The following TPH2 variants were observed in gnomAD, a reference collection of about 807,000 sequenced individuals.
The protein encoded by TPH2 is tryptophan hydroxylase 2.
Under a neutral mutation model 59.1 loss-of-function variants are expected in TPH2, and 27 were observed. That is an observed-to-expected ratio of 0.46 (90% CI 0.34 to 0.63). The LOEUF is 0.63. TPH2 is among the 30% of genes least tolerant of loss of function. The probability of loss-of-function intolerance (pLI) is 0.01; values close to 1 mark genes in which losing one functional copy is unlikely to be tolerated. For synonymous variants in TPH2, 220 were observed against 210.5 expected, an observed-to-expected ratio of 1.05 and a Z score of -0.39; for missense variants, 523 against 588.3, an observed-to-expected ratio of 0.89 and a Z score of 1.15.
At chr12:72,004,781 C>G (rs955814278) in intron 8 of TPH2, among the ~76,000 whole-genome samples, 4 of 152,090 alleles carry the variant, frequency 2.6e-5, no homozygotes, top group African/African-American at 9.7e-5. Context: ...AATGTTATAT[C>G]AAACTATAGG....
chr12:71,999,246 A>T (rs1201126344), intron 8 of TPH2, among the ~76,000 whole-genome samples: 1 of 152,260 alleles, frequency 6.6e-6, no homozygotes, highest in East Asian at 1.9e-4. Context: ...TTGAGAATAA[A>T]GCTATCTCTG....
At chr12:72,012,284 A>G (rs564599967) in intron 8 of TPH2, among the ~76,000 whole-genome samples, 1 of 152,304 alleles carries the variant, frequency 6.6e-6, no homozygotes, top group South Asian at 2.1e-4. Context: ...GAAGACTGGC[A>G]GTTTCTGTGT....
At chr12:72,002,768 T>C (rs1872859394) in intron 8 of TPH2, among the ~76,000 whole-genome samples, 1 of 151,900 alleles carries the variant, frequency 6.6e-6, no homozygotes, top group African/African-American at 2.4e-5. Flanking sequence ...TTTTTTTTTT[T>C]TTGCAGGAAA....
intron 8 of TPH2, among the ~76,000 whole-genome samples, chr12:72,021,252 TCC>T (rs1421430747): frequency 6.6e-6 from 1 of 152,108 alleles, no homozygotes; most frequent in Non-Finnish European, 1.5e-5. Context: ...CAAAGATTCC[TCC>T]GTCTGTTTAG....
At chr12:71,994,807 C>T (rs1872656185) in intron 8 of TPH2, among the ~76,000 whole-genome samples, 1 of 152,136 alleles carries the variant, frequency 6.6e-6, no homozygotes, top group African/African-American at 2.4e-5. Flanking sequence ...AGATAGTAAA[C>T]ATATTAGGTT....
rs1460439817 is a variant in TPH2, at chr12:71,982,160, T to C, written c.941+3073T>C. On this transcript the variant is annotated intron_variant, in intron 7 of 10. Coordinates refer to ENST00000333850, the MANE Select transcript of TPH2 (RefSeq NM_173353.4). ...CTGGGGTTACAGGCGTGCAACACCA[T>C]ACCCAGCTAATTTTTTGTGTTTTTA... is the stretch of plus-strand genomic sequence containing the variant. 2.0e-5 allele frequency among the ~76,000 whole-genome samples: 3 copies of C among 151,718 alleles called. No individual in the cohort carries two copies. The East Asian group carries it at 5.9e-4, about 30-fold the overall frequency.
At chr12:72,011,205 T>C (rs1437320279) in intron 8 of TPH2, among the ~76,000 whole-genome samples, 3 of 152,218 alleles carry the variant, frequency 2.0e-5, no homozygotes. Context: ...ATTGCTTTGT[T>C]ATGGAGATGT....
Position 71,944,476 on chromosome 12 carries a change from A to C in TPH2, c.438A>C (p.Glu146Asp). The C allele has an allele frequency of 1.2e-6, 2 of 1,613,994 alleles. No homozygotes were observed. Among genetic ancestry groups the C allele is most frequent in the Admixed American group, 1.7e-5 (1 of 59,996 alleles). Reference protein sequence around the residue: ...NPPENIWTEEEELEDVPWFPR... With the variant: ...NPPENIWTEEDELEDVPWFPR... ...CAGAGAACATTTGGACAGAGGAAGA[A>C]GGCAAGGGTGGTCTTAGCTTGTCGG... The change falls in exon 3 of 11, where the codon GAA becomes GAC. Residue 146 changes from glutamate (E) to aspartate (D), a missense_variant and splice_region_variant. By Grantham distance (45) the Glu-to-Asp change is conservative. Transcript: ENST00000333850.
intron 8 of TPH2, among the ~76,000 whole-genome samples, chr12:72,021,274 T>C (rs1873406472): frequency 6.6e-6 from 1 of 152,140 alleles, no homozygotes; most frequent in South Asian, 2.1e-4. Context: ...GGTTGATTTC[T>C]TAAACCCAAC....
chr12:71,968,107 C>A (rs777258730), intron 5 of TPH2, among the ~76,000 whole-genome samples: 7 of 152,250 alleles, frequency 4.6e-5, no homozygotes, highest in Non-Finnish European at 5.9e-5. Flanking sequence ...GTGAGTAGGT[C>A]TCAGGCCACA....
intron 7 of TPH2, among the ~76,000 whole-genome samples, chr12:71,983,280 G>A (rs953526285): frequency 6.6e-6 from 1 of 152,164 alleles, no homozygotes; most frequent in African/African-American, 2.4e-5. Flanking sequence ...AGCAGTGCCT[G>A]AGGCAATGAA....
intron 7 of TPH2, among the ~76,000 whole-genome samples, chr12:71,992,477 G>A (rs1390135180): frequency 5.3e-5 from 8 of 150,068 alleles, no homozygotes; most frequent in East Asian, 2.0e-4. Context: ...GGTGGCATGC[G>A]CCTGTAGTCC....
chr12:72,003,194 A>T (rs758438132), intron 8 of TPH2, among the ~76,000 whole-genome samples: 1 of 152,092 alleles, frequency 6.6e-6, no homozygotes, highest in Non-Finnish European at 1.5e-5. Context: ...AAAAATGACC[A>T]CTTTAGTATC....
intron 8 of TPH2, among the ~76,000 whole-genome samples, chr12:72,020,189 A>G (rs1258263191): frequency 6.6e-6 from 1 of 152,182 alleles, no homozygotes; most frequent in African/African-American, 2.4e-5. Flanking sequence ...TAGTTAGTAG[A>G]GGCTAGAGAT....
Position 71,944,650 on chromosome 12 carries a change from T to C in TPH2, c.504T>C (p.Val168=). The C allele has an allele frequency of 1.9e-6, 3 of 1,613,964 alleles. No individual in the cohort carries two copies. The highest frequency in any genetic ancestry group is 1.7e-4 in the Middle Eastern group (1 of 6,060). Residue 168 remains valine, a synonymous_variant, in exon 4 of 11, where the codon GTT becomes GTC. Coordinates refer to ENST00000333850, the MANE Select transcript of TPH2 (RefSeq NM_173353.4). ...ISELDKCSHR[V]LMYGSELDAD... ...AGTTAGACAAATGCTCTCACAGAGT[T>C]CTCATGTATGGTTCTGAGCTTGATG...
At chr12:71,954,150 C>T (rs1020646214) in intron 5 of TPH2, among the ~76,000 whole-genome samples, 22 of 152,194 alleles carry the variant, frequency 1.4e-4, no homozygotes, top group African/African-American at 3.9e-4. Flanking sequence ...GTCTGTATTA[C>T]CATGAACCCG....
chr12:72,020,421 G>A (rs1293257502), intron 8 of TPH2, among the ~76,000 whole-genome samples: 1 of 152,176 alleles, frequency 6.6e-6, no homozygotes, highest in African/African-American at 2.4e-5. Context: ...TGAAAAGATG[G>A]AACAGAGTAA....
chr12:71,958,263 G>A (rs1871568957), intron 5 of TPH2, among the ~76,000 whole-genome samples: 1 of 152,120 alleles, frequency 6.6e-6, no homozygotes, highest in African/African-American at 2.4e-5. Flanking sequence ...TCTGAGTAAG[G>A]TCACTTTTAG....
chr12:72,029,555 A>G (rs552217406), intron 9 of TPH2, among the ~76,000 whole-genome samples: 74 of 152,216 alleles, frequency 4.9e-4, no homozygotes, highest in Non-Finnish European at 9.0e-4. Context: ...AAAATTGTGG[A>G]CAGAATTATT....
Sources: allele counts gnomAD v4.1 joint callset (sites outside exome capture counted in the v4.1 genomes callset), GRCh38; gene constraint gnomAD v4.1.1; transcripts MANE v1.5; gene names NCBI Gene and HGNC (gene_info 2026-07-23, HGNC 2026-07-21).